ORC2: variants seen among roughly 807,000 people sequenced by gnomAD.
ORC2 encodes origin recognition complex protein 2 homolog.
Under a neutral mutation model 77.7 loss-of-function variants are expected in ORC2, and 37 were observed. The ratio of observed to expected loss-of-function variants is 0.48; its 90% confidence interval spans 0.37 to 0.63. The LOEUF (loss-of-function observed/expected upper bound fraction) is 0.63. Among genes scored for constraint, ORC2 ranks in the 20% least tolerant of loss-of-function variants. The probability of loss-of-function intolerance (pLI) is 0.00; values close to 1 mark genes in which losing one functional copy is unlikely to be tolerated. For synonymous variants in ORC2, 201 were observed against 229.5 expected, an observed-to-expected ratio of 0.88 and a Z score of 1.12; for missense variants, 557 against 661.9, an observed-to-expected ratio of 0.84 and a Z score of 1.74.
chr2:200,919,371 T>C (rs2040716847), intron 15 of ORC2, among the ~76,000 whole-genome samples: 1 of 152,148 alleles, frequency 6.6e-6, no homozygotes, highest in Non-Finnish European at 1.5e-5. Context: ...TTCTTTATTA[T>C]TTTTTTGAGA....
intron 13 of ORC2, chr2:200,921,540 T>A (rs2040762024): frequency 6.5e-6 from 1 of 152,802 alleles, no homozygotes; most frequent in African/African-American, 2.4e-5. Flanking sequence ...AAATAATGAT[T>A]GCTTAGGGGT....
At chr2:200,929,049 T>G (rs1294538463) in intron 11 of ORC2, among the ~76,000 whole-genome samples, 1 of 151,938 alleles carries the variant, frequency 6.6e-6, no homozygotes, top group African/African-American at 2.4e-5. Context: ...CCTCCCGCGT[T>G]CAAGCAATTC....
Position 200,935,845 on chromosome 2 carries a change from A to G in ORC2, c.562T>C (p.Ser188Pro). 1 of 1,614,022 alleles carries G rather than the reference A, an allele frequency of 6.2e-7. No individual in the cohort carries two copies. Among genetic ancestry groups the G allele is most frequent in the East Asian group, 2.2e-5 (1 of 44,860 alleles). The change falls in exon 9 of 18, where the codon TCA (serine) becomes CCA (proline). Residue 188 changes from serine (S) to proline (P), a missense_variant. Ser to Pro is a moderately conservative substitution (Grantham distance 74, BLOSUM62 -1). Transcript: ENST00000234296. ...DSESEYSASN[S>P]EDDEGVAQEH... ...TGTGCAACCCCTTCATCATCCTCTG[A>G]GTTGGAAGCAGAATATTCGCTTTCA...
Position 200,938,774 on chromosome 2 carries a change from A to C in ORC2, c.454-808T>G, listed in dbSNP as rs1049862798. The stretch of plus-strand genomic sequence containing the variant: ...TACTCTAGGCCGGGCACAGTGGCTC[A>C]TGCCTGTGTAATCCCAGCATTTTGG... On this transcript the variant is annotated intron_variant, in intron 7 of 17. Coordinates refer to ENST00000234296, the MANE Select transcript of ORC2 (RefSeq NM_006190.5). 3.3e-5 allele frequency among the ~76,000 whole-genome samples: 5 copies of C among 152,280 alleles called. No homozygotes were observed. In the South Asian group the frequency reaches 1.0e-3, roughly 32 times the overall value.
At chr2:200,946,948 G>A (rs1422489571) in intron 5 of ORC2, among the ~76,000 whole-genome samples, 1 of 151,730 alleles carries the variant, frequency 6.6e-6, no homozygotes, top group Non-Finnish European at 1.5e-5. Context: ...TGTCACCCAG[G>A]CTGGAGTGCA....
chr2:200,927,681 C>G (rs1457318644), intron 11 of ORC2, among the ~76,000 whole-genome samples: 1 of 150,722 alleles, frequency 6.6e-6, no homozygotes, highest in Non-Finnish European at 1.5e-5. Flanking sequence ...CAGAGCAAGA[C>G]AGTGTCTGTA....
intron 15 of ORC2, among the ~76,000 whole-genome samples, chr2:200,919,419 T>C (rs918677836): frequency 6.6e-6 from 1 of 152,214 alleles, no homozygotes; most frequent in African/African-American, 2.4e-5. Context: ...AGTGCAGTGG[T>C]GCAATCTCAG....
intron 15 of ORC2, among the ~76,000 whole-genome samples, chr2:200,915,857 C>G (rs1159151526): frequency 6.6e-6 from 1 of 152,050 alleles, no homozygotes; most frequent in Non-Finnish European, 1.5e-5. Context: ...CCACGCCCAG[C>G]TAATTTTTTA....
intron 9 of ORC2, among the ~76,000 whole-genome samples, chr2:200,934,417 G>C (rs1478045237): frequency 6.6e-6 from 1 of 151,530 alleles, no homozygotes; most frequent in African/African-American, 2.4e-5. Context: ...TGGGCACAAG[G>C]GATCCTCCTA....
intron 4 of ORC2, among the ~76,000 whole-genome samples, chr2:200,954,557 A>G (rs889618936): frequency 1.3e-5 from 2 of 152,234 alleles, no homozygotes; most frequent in Admixed American, 6.5e-5. Context: ...GAAGATACAC[A>G]CTGAAATGTT....
At chr2:200,917,893 AG>A (rs558161352) in intron 15 of ORC2, among the ~76,000 whole-genome samples, 1 of 151,168 alleles carries the variant, frequency 6.6e-6, no homozygotes, top group African/African-American at 2.4e-5. Context: ...ATAAATTGCT[AG>A]GGGGGGTTAA....
intron 1 of ORC2, among the ~76,000 whole-genome samples, chr2:200,960,737 T>G (rs2041555528): frequency 1.3e-5 from 2 of 152,176 alleles, no homozygotes; most frequent in South Asian, 4.1e-4. Flanking sequence ...CACACAATTA[T>G]AAATCTATTA....
chr2:200,941,679 A>G (rs1457194798), intron 6 of ORC2, among the ~76,000 whole-genome samples: 1 of 151,416 alleles, frequency 6.6e-6, no homozygotes, highest in Non-Finnish European at 1.5e-5. Context: ...AGCCCTTTTA[A>G]ATTTTGATTA....
chr2:200,938,637 G>A (rs1658677906), intron 7 of ORC2, among the ~76,000 whole-genome samples: 2 of 152,224 alleles, frequency 1.3e-5, no homozygotes, highest in Non-Finnish European at 2.9e-5. Context: ...TGATAAAAAA[G>A]TTAAAGTACC....
At chr2:200,917,710 TA>T (rs1418044972) in intron 15 of ORC2, among the ~76,000 whole-genome samples, 3 of 152,116 alleles carry the variant, frequency 2.0e-5, no homozygotes, top group Non-Finnish European at 4.4e-5. Context: ...TCTGATACTG[TA>T]CTGTGTTTAT....
chr2:200,926,881 G>A lies in ORC2; in HGVS notation c.937C>T (p.Leu313Phe). The change falls in exon 12 of 18, where the codon CTT becomes TTT. Residue 313 changes from leucine (L) to phenylalanine (F), a missense_variant. Transcript: ENST00000234296. ...TCTCTCTTAGAACCCAAACCATAAA[G>A]CACAATGTTGAACCCAAGGCTGTTA... ...LQLHLGFNIV[L>F]YGLGSKRDLL... The A allele has an allele frequency of 6.2e-7, 1 of 1,613,772 alleles. No homozygotes were observed. Among genetic ancestry groups the A allele is most frequent in the Non-Finnish European group, 8.5e-7 (1 of 1,179,860 alleles).
intron 15 of ORC2, among the ~76,000 whole-genome samples, chr2:200,919,072 C>T (rs746221062): frequency 1.1e-4 from 17 of 152,142 alleles, no homozygotes; most frequent in Non-Finnish European, 7.3e-5. Flanking sequence ...TGGAGCAATC[C>T]TCCTGCCTTA....
At chr2:200,962,568 T>C (rs2041600220) in intron 1 of ORC2, among the ~76,000 whole-genome samples, 1 of 152,234 alleles carries the variant, frequency 6.6e-6, no homozygotes, top group Non-Finnish European at 1.5e-5. Context: ...AGAGCATCAC[T>C]GAATGCTCCC....
Position 200,909,304 on chromosome 2 carries a change from G to C in ORC2, c.*1997C>G, listed in dbSNP as rs1224308212. On this transcript the variant is annotated 3_prime_UTR_variant, in exon 18 of 18. Transcript: ENST00000234296. ...TAAAGAACTGGGTGGATCAGGGAGT[G>C]GGCAGGAAACTCACTTTCACTGAAT... 6.6e-6 allele frequency: 1 copy of C among 152,074 alleles called. No individual in the cohort carries two copies. Among genetic ancestry groups the C allele is most frequent in the Non-Finnish European group, 1.5e-5 (1 of 68,032 alleles). The allele number at this position is 152,074 out of a possible 1,614,324, so 9.4% of individuals were successfully genotyped here.
Sources: gnomAD v4.1 joint callset for allele counts (sites outside exome capture counted in the v4.1 genomes callset) on GRCh38, gnomAD v4.1.1 for gene constraint, MANE v1.5 for transcripts, NCBI Gene and HGNC (gene_info 2026-07-23, HGNC 2026-07-21) for gene names.